ZFHX3: variants seen among roughly 807,000 people sequenced by gnomAD.
ZFHX3 encodes zinc finger homeobox 3, also known as zinc finger homeobox protein 3.
ZFHX3 carries 42 observed loss-of-function variants against 279.1 expected under a neutral mutation model. The observed-to-expected ratio is 0.15, with a 90% CI of 0.12 to 0.19. The LOEUF is 0.19. ZFHX3 is among the 10% of genes least tolerant of loss of function. The pLI, the probability that ZFHX3 is intolerant of heterozygous loss-of-function variation, is 1.00. For missense variants in ZFHX3, 4,981 were observed against 4,754.0 expected, an observed-to-expected ratio of 1.05 and a Z score of -1.40; for synonymous variants, 2,293 against 1,957.8, an observed-to-expected ratio of 1.17 and a Z score of -4.52.
chr16:73,801,447 C>T (rs1960144413), intron 1 of ZFHX3, among the ~76,000 whole-genome samples: 1 of 152,120 alleles, frequency 6.6e-6, no homozygotes, highest in Non-Finnish European at 1.5e-5. Flanking sequence ...TACTGGTCCT[C>T]CAAAAAAATT....
intron 4 of ZFHX3, among the ~76,000 whole-genome samples, chr16:73,302,436 G>A (rs983273922): frequency 6.6e-6 from 1 of 152,182 alleles, no homozygotes; most frequent in African/African-American, 2.4e-5. Context: ...TCTAACAAGC[G>A]TTGAACACAA....
intron 5 of ZFHX3, among the ~76,000 whole-genome samples, chr16:73,145,867 A>G (rs957584970): frequency 1.2e-4 from 18 of 152,382 alleles, no homozygotes; most frequent in Middle Eastern, 3.4e-3. Flanking sequence ...AAGACAGTTC[A>G]GCGAACATAA....
At chr16:73,068,593 T>C (rs926201173) in intron 8 of ZFHX3, among the ~76,000 whole-genome samples, 19 of 152,212 alleles carry the variant, frequency 1.2e-4, no homozygotes, top group African/African-American at 4.6e-4. Flanking sequence ...ACTAGGGAAG[T>C]TCATACCAGG....
chr16:73,526,137 C>T (rs777431126), intron 2 of ZFHX3, among the ~76,000 whole-genome samples: 1 of 152,210 alleles, frequency 6.6e-6, no homozygotes, highest in Non-Finnish European at 1.5e-5. Context: ...CAATGGCCAG[C>T]GTGGCCAGTC....
At chr16:73,736,687 C>T (rs1208430191) in intron 1 of ZFHX3, among the ~76,000 whole-genome samples, 1 of 152,194 alleles carries the variant, frequency 6.6e-6, no homozygotes, top group African/African-American at 2.4e-5. Context: ...GCAAGGATCA[C>T]ATCAGATGTC....
Position 72,794,573 on chromosome 16 carries a change from A to G in ZFHX3, c.8109T>C (p.Ala2703=), listed in dbSNP as rs2035832980. The change falls in exon 9 of 10, where the codon GCT becomes GCC. Residue 2703 remains alanine, a synonymous_variant. Transcript: ENST00000268489. This position sits in a 1 kb window ranked among gnomAD's most constrained non-coding sequence, Gnocchi z 4.2. ...RARERKGQFR[A]VGPAQAHRRC... is the part of the protein sequence containing the mutation. ...TCCTGTGGGCCTGCGCTGGGCCTAC[A>G]GCCCGGAACTGTCCTTTCCTTTCCC... is the stretch of plus-strand genomic sequence containing the variant. The G allele has an allele frequency of 6.2e-7, 1 of 1,614,238 alleles. No individual in the cohort carries two copies. The highest frequency in any genetic ancestry group is 1.7e-5 in the Admixed American group (1 of 60,032).
chr16:73,287,886 G>A (rs1052515521), intron 4 of ZFHX3, among the ~76,000 whole-genome samples: 2 of 151,918 alleles, frequency 1.3e-5, no homozygotes, highest in Admixed American at 1.3e-4. Context: ...GTTGGTGTAC[G>A]GCTGTGTGGG....
At chr16:73,689,537 C>T (rs116293855) in intron 1 of ZFHX3, among the ~76,000 whole-genome samples, 623 of 152,320 alleles carry the variant, frequency 4.1e-3, no homozygotes, top group African/African-American at 0.014. Flanking sequence ...TCCCATCTTC[C>T]TCTTGCCCCT....
chr16:72,832,661 C>T (rs573308884), intron 4 of ZFHX3, among the ~76,000 whole-genome samples: 1 of 152,142 alleles, frequency 6.6e-6, no homozygotes, highest in East Asian at 1.9e-4. Context: ...CCTCAGTCCC[C>T]CACCCCCACC....
chr16:73,785,354 G>A, intron 1 of ZFHX3, among the ~76,000 whole-genome samples: 1 of 152,080 alleles, frequency 6.6e-6, no homozygotes, highest in East Asian at 1.9e-4. Flanking sequence ...CCACATAAAT[G>A]AATTTTCTGT....
intron 1 of ZFHX3, among the ~76,000 whole-genome samples, chr16:73,734,361 T>C (rs1195264804): frequency 6.6e-6 from 1 of 152,188 alleles, no homozygotes; most frequent in African/African-American, 2.4e-5. Flanking sequence ...TAAACTGAAA[T>C]TGAGAAAGCC....
chr16:72,916,237 G>A (rs1046818269), intron 3 of ZFHX3, among the ~76,000 whole-genome samples: 6 of 151,940 alleles, frequency 3.9e-5, no homozygotes, highest in African/African-American at 1.5e-4. Flanking sequence ...TACTAACACC[G>A]AACTGGGAGA....
intron 2 of ZFHX3, among the ~76,000 whole-genome samples, chr16:73,498,448 G>C (rs1224166030): frequency 6.6e-6 from 1 of 152,142 alleles, no homozygotes; most frequent in Non-Finnish European, 1.5e-5. Context: ...TTTATTATAT[G>C]TTTGCACACA....
At chr16:73,347,715 A>T (rs2016148594) in intron 3 of ZFHX3, among the ~76,000 whole-genome samples, 1 of 152,276 alleles carries the variant, frequency 6.6e-6, no homozygotes, top group Non-Finnish European at 1.5e-5. Flanking sequence ...AATATTTACT[A>T]AGGGTGAGTG....
At chr16:73,548,313 A>C (rs2020153135) in intron 2 of ZFHX3, among the ~76,000 whole-genome samples, 1 of 152,218 alleles carries the variant, frequency 6.6e-6, no homozygotes, top group African/African-American at 2.4e-5. Flanking sequence ...ATTGGACCTA[A>C]TAAACCGAAC....
At chr16:73,839,008 G>T (rs1961221354) in intron 1 of ZFHX3, among the ~76,000 whole-genome samples, 3 of 152,062 alleles carry the variant, frequency 2.0e-5, no homozygotes. Context: ...AAAGCAGAAT[G>T]AAATCCTACC....
intron 1 of ZFHX3, chr16:73,816,015 C>T (rs1960561224): frequency 6.6e-6 from 1 of 152,164 alleles, no homozygotes; most frequent in Admixed American, 6.6e-5. Context: ...GGCTCAATAG[C>T]TGTGTCTTCA....
At chr16:72,968,779 A>G (rs1331251724) in intron 1 of ZFHX3, among the ~76,000 whole-genome samples, 3 of 152,146 alleles carry the variant, frequency 2.0e-5, no homozygotes, top group Non-Finnish European at 2.9e-5. Flanking sequence ...CCTAATTCTG[A>G]TAACTGCAGT....
rs115459953 is a variant in ZFHX3 at position 73,526,479 on chromosome 16, C to T, written c.-1546-70221G>A. Among the ~76,000 whole-genome samples the T allele has an allele frequency of 3.6e-3, 543 of 152,318 alleles. 11 individuals carry two copies. The highest frequency in any genetic ancestry group is 0.013 in the African/African-American group (524 of 41,568). ...CTTGATCCTTAATGTTATACTTTAG[C>T]TTAGTTTTAAAACCTATAAAATACA... On this transcript the variant is annotated intron_variant, in intron 2 of 17. Transcript: ENST00000641206.
Sources: allele counts gnomAD v4.1 joint callset (sites outside exome capture counted in the v4.1 genomes callset), GRCh38; gene constraint gnomAD v4.1.1; non-coding constraint Gnocchi (gnomAD v3.1); transcripts MANE v1.5; gene names NCBI Gene and HGNC (gene_info 2026-07-23, HGNC 2026-07-21).